STX8: variants seen among roughly 807,000 people sequenced by gnomAD.
STX8 encodes the protein syntaxin 8.
A neutral mutation model predicts 37.5 loss-of-function variants in STX8; 23 were observed. That is an observed-to-expected ratio of 0.61 (90% CI 0.44 to 0.87). The LOEUF (loss-of-function observed/expected upper bound fraction) is 0.87. Ranked by LOEUF, STX8 falls within the 40% of genes least tolerant of loss-of-function variation. The pLI is 0.00. For missense variants in STX8, 313 were observed against 284.7 expected, an observed-to-expected ratio of 1.10 and a Z score of -0.71; for synonymous variants, 115 against 99.1, an observed-to-expected ratio of 1.16 and a Z score of -0.95.
intron 6 of STX8, among the ~76,000 whole-genome samples, chr17:9,485,445 C>T (rs1423927841): frequency 6.6e-6 from 1 of 152,104 alleles, no homozygotes; most frequent in Admixed American, 6.5e-5. Context: ...ATGGAAATAA[C>T]CCTCAAAGGG....
chr17:9,391,049 G>C (rs865969382), intron 6 of STX8, among the ~76,000 whole-genome samples: 1 of 152,212 alleles, frequency 6.6e-6, no homozygotes, highest in South Asian at 2.1e-4. Flanking sequence ...ATATGCTAAT[G>C]ACACTGCAGT....
chr17:9,365,608 G>A (rs942955301), intron 7 of STX8, among the ~76,000 whole-genome samples: 1 of 152,232 alleles, frequency 6.6e-6, no homozygotes, highest in Non-Finnish European at 1.5e-5. Context: ...AATTAAAAAA[G>A]CAGATGAAGT....
chr17:9,560,577 C>T (rs191035698), intron 2 of STX8, among the ~76,000 whole-genome samples: 1 of 152,152 alleles, frequency 6.6e-6, no homozygotes, highest in Admixed American at 6.6e-5. Context: ...GTGCCTGGCA[C>T]ATAGTTAACT....
chr17:9,288,647 G>C (rs1464998515), intron 7 of STX8, among the ~76,000 whole-genome samples: 1 of 151,758 alleles, frequency 6.6e-6, no homozygotes, highest in African/African-American at 2.4e-5. Flanking sequence ...GGGTGACAGA[G>C]TGAGACTCCG....
chr17:9,491,596 T>C (rs1319928480), intron 6 of STX8, among the ~76,000 whole-genome samples: 2 of 152,178 alleles, frequency 1.3e-5, no homozygotes, highest in Admixed American at 6.5e-5. Context: ...AAACACAGTA[T>C]TGTTAAAAGC....
rs185928189 is a variant in STX8, at chr17:9,423,451, G to A, written c.542-44798C>T. Among the ~76,000 whole-genome samples the A allele has an allele frequency of 1.6e-3, 236 of 152,236 alleles. 2 individuals carry two copies. The highest frequency in any genetic ancestry group is 4.9e-3 in the African/African-American group (205 of 41,550). The stretch of plus-strand genomic sequence containing the variant: ...AGCAATCCTCCTGCCTCAGCCTCCT[G>A]AGTAACTGGGATTACAGGCATGCGC... On this transcript the variant is annotated intron_variant, in intron 6 of 7. Coordinates refer to ENST00000306357, the MANE Select transcript of STX8 (RefSeq NM_004853.3).
At chr17:9,471,443 G>A (rs148276119) in intron 6 of STX8, among the ~76,000 whole-genome samples, 231 of 152,066 alleles carry the variant, frequency 1.5e-3, no homozygotes, top group African/African-American at 5.2e-3. Context: ...GAGCCACCGC[G>A]CCCGGCCCTA....
intron 7 of STX8, among the ~76,000 whole-genome samples, chr17:9,286,627 G>T (rs1024607989): frequency 7.9e-5 from 12 of 151,046 alleles, no homozygotes; most frequent in African/African-American, 2.9e-4. Context: ...TACAGCAGCT[G>T]CAGAGGCTGA....
chr17:9,399,068 T>C (rs1597647575), intron 6 of STX8, among the ~76,000 whole-genome samples: 2 of 145,130 alleles, frequency 1.4e-5, no homozygotes, highest in Admixed American at 1.4e-4. Context: ...AAAAAAAAGC[T>C]ACAGTAATCA....
At position 9,497,897 on chromosome 17, in the gene STX8, G is replaced by C. The variant is rs1297786735; in HGVS notation, c.449-5976C>G. Among the ~76,000 whole-genome samples the C allele has an allele frequency of 7.9e-5, 12 of 152,274 alleles. No homozygotes were observed. In the East Asian group the frequency reaches 9.6e-4, roughly 12 times the overall value. On this transcript the variant is annotated intron_variant, in intron 5 of 7. Transcript: ENST00000306357. ...TGACCACAGAGGGAGGGCCCTCTAG[G>C]TTTACAAAAGAAAGGAATACAGTCT...
chr17:9,506,423 C>A (rs907010338), intron 4 of STX8, among the ~76,000 whole-genome samples: 1 of 119,600 alleles, frequency 8.4e-6, no homozygotes, highest in African/African-American at 3.1e-5. Context: ...CCCCCCCCAC[C>A]CACCTTTCTT....
chr17:9,449,452 C>T (rs986724263), intron 6 of STX8, among the ~76,000 whole-genome samples: 9 of 152,118 alleles, frequency 5.9e-5, no homozygotes, highest in Non-Finnish European at 1.3e-4. Flanking sequence ...CCCAGCTACT[C>T]GGGCGGCTGA....
At chr17:9,288,670 T>TA (rs1908191687) in intron 7 of STX8, among the ~76,000 whole-genome samples, 1 of 149,674 alleles carries the variant, frequency 6.7e-6, no homozygotes, top group African/African-American at 2.5e-5. Flanking sequence ...TCGAAATAAA[T>TA]AAATAAAATA....
chr17:9,477,443 A>G (rs1906151114), intron 6 of STX8, among the ~76,000 whole-genome samples: 2 of 152,366 alleles, frequency 1.3e-5, no homozygotes, highest in African/African-American at 4.8e-5. Context: ...AGTTCTAACT[A>G]GTGCCATTCA....
intron 4 of STX8, among the ~76,000 whole-genome samples, chr17:9,513,097 T>C (rs1327958250): frequency 1.3e-5 from 2 of 152,020 alleles, no homozygotes; most frequent in Non-Finnish European, 2.9e-5. Flanking sequence ...AGACAATCTA[T>C]AGGAGAAAAT....
At chr17:9,485,135 T>A (rs201856144) in intron 6 of STX8, among the ~76,000 whole-genome samples, 1 of 13,930 alleles carries the variant, frequency 7.2e-5, no homozygotes, top group Non-Finnish European at 1.5e-3. Flanking sequence ...AGAAAAAAAA[T>A]TATAATAAGA....
At chr17:9,265,348 C>T (rs1447102320) in intron 7 of STX8, among the ~76,000 whole-genome samples, 3 of 152,228 alleles carry the variant, frequency 2.0e-5, no homozygotes, top group Non-Finnish European at 2.9e-5. Flanking sequence ...CAAGAACACT[C>T]TGGATGGGGC....
intron 6 of STX8, among the ~76,000 whole-genome samples, chr17:9,486,479 G>A (rs1295057387): frequency 6.6e-6 from 1 of 152,172 alleles, no homozygotes; most frequent in Non-Finnish European, 1.5e-5. Context: ...TGATCTTTGT[G>A]ATGTGATTCT....
intron 6 of STX8, among the ~76,000 whole-genome samples, chr17:9,451,386 A>G (rs980121893): frequency 1.1e-4 from 17 of 152,210 alleles, no homozygotes; most frequent in African/African-American, 3.4e-4. Context: ...ACAAGGCATC[A>G]TCTCCACGTT....
Sources: gnomAD v4.1 joint callset for allele counts (sites outside exome capture counted in the v4.1 genomes callset) on GRCh38, gnomAD v4.1.1 for gene constraint, MANE v1.5 for transcripts, NCBI Gene and HGNC (gene_info 2026-07-23, HGNC 2026-07-21) for gene names.